The following NPLOC4 variants were observed in gnomAD, a reference collection of about 807,000 sequenced individuals.
NPLOC4 encodes the protein nuclear protein localization protein 4 homolog.
In NPLOC4, 18 loss-of-function variants were observed where a neutral mutation model predicts 80.6. The observed-to-expected ratio is 0.22, with a 90% CI of 0.15 to 0.33. The LOEUF is 0.33. Among genes scored for constraint, NPLOC4 ranks in the 10% least tolerant of loss-of-function variants. The pLI, the probability that NPLOC4 is intolerant of heterozygous loss-of-function variation, is 1.00. For synonymous variants in NPLOC4, 313 were observed against 301.5 expected (o/e 1.04, Z -0.39); for missense variants, 540 against 786.1 (o/e 0.69, Z 3.74).
At chr17:81,565,068 A>C (rs759514610) in intron 16 of NPLOC4, 3 of 549,054 alleles carry the variant, frequency 5.5e-6, no homozygotes, top group Non-Finnish European at 9.7e-6. Context: ...TCCGTTCCGT[A>C]GTGTCCACCA....
At position 81,610,264 on chromosome 17, in the gene NPLOC4, G is replaced by T. The variant is rs1311761937; in HGVS notation, c.387-6C>A. Reference sequence around the variant, plus strand: ...CCAAAGGGCCGTGGCGGCATCTGAGGAGAGTACAAGGCAGAAAAAGGCAGA... The same window carrying T: ...CCAAAGGGCCGTGGCGGCATCTGAGTAGAGTACAAGGCAGAAAAAGGCAGA... On this transcript the variant is annotated splice_polypyrimidine_tract_variant and splice_region_variant and intron_variant, in intron 4 of 16. Transcript: ENST00000331134. 3 of 1,568,606 alleles carry T rather than the reference G, an allele frequency of 1.9e-6. No homozygotes were observed. Among genetic ancestry groups the T allele is most frequent in the Non-Finnish European group, 2.6e-6 (3 of 1,157,242 alleles).
chr17:81,636,811 G>C, intron 1 of NPLOC4, 105 bp downstream of exon 1: 1 of 1,205,524 alleles, frequency 8.3e-7, no homozygotes, highest in Non-Finnish European at 1.1e-6. Context: ...GAAGAGAAAG[G>C]GGCCGAGTCG....
In NPLOC4 at chr17:81,616,586, C is replaced by T. The variant is rs180720869; in HGVS notation, c.210-3092G>A. ...TCTACTAAAAATAGAAAAAATTAGCCGGGCATGGTGGCAGGTGCCTGTAGT... is the reference window on the plus strand; with the variant it reads ...TCTACTAAAAATAGAAAAAATTAGCTGGGCATGGTGGCAGGTGCCTGTAGT... On this transcript the variant is annotated intron_variant, in intron 3 of 16. Transcript: ENST00000331134. Among the ~76,000 whole-genome samples the T allele has an allele frequency of 6.9e-3, 1,042 of 151,732 alleles. 9 individuals carry two copies. The highest frequency in any genetic ancestry group is 1.0e-2 in the Non-Finnish European group (677 of 67,910).
chr17:81,571,719 T>C (rs183940276), intron 13 of NPLOC4, among the ~76,000 whole-genome samples: 3 of 152,316 alleles, frequency 2.0e-5, no homozygotes, highest in African/African-American at 7.2e-5. Flanking sequence ...CTGCCTAGCC[T>C]GGGGTCAGTG....
At chr17:81,599,293 A>T (rs8080391) in intron 9 of NPLOC4, among the ~76,000 whole-genome samples, 58,362 of 151,930 alleles carry the variant, frequency 0.38, 13,265 homozygotes, top group Non-Finnish European at 0.51. Context: ...CTCAAAAAAA[A>T]AAAATAAAAT....
At chr17:81,602,081 CGT>C (rs1281867298) in intron 8 of NPLOC4, among the ~76,000 whole-genome samples, 5 of 151,936 alleles carry the variant, frequency 3.3e-5, no homozygotes, top group South Asian at 2.1e-4. Flanking sequence ...TGCATGCATG[CGT>C]GTGTGTATGT....
intron 8 of NPLOC4, among the ~76,000 whole-genome samples, chr17:81,602,980 T>TACACACACACACAC (rs150613321): frequency 2.1e-5 from 3 of 145,058 alleles, no homozygotes; most frequent in South Asian, 2.2e-4. Context: ...TATACACAAA[T>TACACACACACACAC]ACACACACAC....
intron 3 of NPLOC4, among the ~76,000 whole-genome samples, chr17:81,615,580 G>C (rs568908156): frequency 6.6e-6 from 1 of 152,346 alleles, no homozygotes; most frequent in African/African-American, 2.4e-5. Context: ...TCAGACAGCA[G>C]CCAGCAACAC....
intron 16 of NPLOC4, chr17:81,560,481 G>C (rs1202888233): frequency 6.6e-6 from 1 of 152,198 alleles, no homozygotes; most frequent in Non-Finnish European, 1.5e-5. Flanking sequence ...GGCTGAGGTG[G>C]GCAGATCACA....
intron 6 of NPLOC4, among the ~76,000 whole-genome samples, chr17:81,607,243 T>C (rs879567259): frequency 1.3e-5 from 2 of 152,206 alleles, no homozygotes; most frequent in Non-Finnish European, 2.9e-5. Flanking sequence ...TTCTTATTCA[T>C]GGGAAAAATC....
intron 11 of NPLOC4, among the ~76,000 whole-genome samples, chr17:81,595,708 C>A (rs1349206743): frequency 6.6e-6 from 1 of 151,568 alleles, no homozygotes; most frequent in African/African-American, 2.4e-5. Flanking sequence ...CCATGCCCAG[C>A]TAATTTTTAT....
At chr17:81,569,422 C>A (rs894831310) in intron 13 of NPLOC4, among the ~76,000 whole-genome samples, 1 of 152,242 alleles carries the variant, frequency 6.6e-6, no homozygotes, top group African/African-American at 2.4e-5. Flanking sequence ...CAGAGTCACA[C>A]AGGTTCTCTC....
chr17:81,611,613 G>A (rs182254766), intron 4 of NPLOC4, among the ~76,000 whole-genome samples: 1,889 of 151,872 alleles, frequency 0.012, 45 homozygotes, highest in African/African-American at 0.043. Flanking sequence ...GCCTCCCAAA[G>A]TGCTGGGATT....
chr17:81,631,746 A>T (rs1026212045), intron 1 of NPLOC4, among the ~76,000 whole-genome samples: 1 of 151,926 alleles, frequency 6.6e-6, no homozygotes, highest in African/African-American at 2.4e-5. Context: ...CTGATGGTGC[A>T]TTCTATAGCT....
intron 9 of NPLOC4, among the ~76,000 whole-genome samples, chr17:81,598,497 G>C (rs1286588129): frequency 1.3e-5 from 2 of 152,214 alleles, no homozygotes; most frequent in Non-Finnish European, 2.9e-5. Flanking sequence ...AGGATTCCTA[G>C]AGAAAGGCAC....
intron 12 of NPLOC4, among the ~76,000 whole-genome samples, chr17:81,573,241 A>G (rs577295541): frequency 1.3e-5 from 2 of 152,338 alleles, no homozygotes; most frequent in South Asian, 4.2e-4. Flanking sequence ...GGCCTTACAT[A>G]AAAGTTTACG....
At chr17:81,617,831 G>A (rs1361191767) in intron 3 of NPLOC4, among the ~76,000 whole-genome samples, 3 of 152,186 alleles carry the variant, frequency 2.0e-5, no homozygotes, top group African/African-American at 7.2e-5. Context: ...ACTGGTTTTC[G>A]TATTTTTTTG....
intron 2 of NPLOC4, among the ~76,000 whole-genome samples, chr17:81,623,564 C>T (rs1370169497): frequency 6.6e-6 from 1 of 151,282 alleles, no homozygotes; most frequent in South Asian, 2.1e-4. Flanking sequence ...TTTGGGAGGC[C>T]GAGGCAGGCG....
At chr17:81,629,890 C>A in intron 1 of NPLOC4, 85 bp from the exon 2 acceptor site, 5 of 973,242 alleles carry the variant, frequency 5.1e-6, no homozygotes, top group South Asian at 1.4e-5. Context: ...GGTCTTTTAG[C>A]ATCTGGGTCA....
Sources: gnomAD v4.1 joint callset for allele counts (sites outside exome capture counted in the v4.1 genomes callset) on GRCh38, gnomAD v4.1.1 for gene constraint, MANE v1.5 for transcripts, NCBI Gene and HGNC (gene_info 2026-07-23, HGNC 2026-07-21) for gene names.